The following PACSIN2 variants were observed in gnomAD, a reference collection of about 807,000 sequenced individuals.
PACSIN2 encodes the protein protein kinase C and casein kinase substrate in neurons protein 2.
Under a neutral mutation model 63.8 loss-of-function variants are expected in PACSIN2, and 25 were observed. The observed-to-expected ratio is 0.39, with a 90% CI of 0.29 to 0.55. The LOEUF (loss-of-function observed/expected upper bound fraction) is 0.55. PACSIN2 is among the 20% of genes least tolerant of loss of function. PACSIN2 has a pLI of 0.62. For synonymous variants in PACSIN2, 255 were observed against 256.2 expected (o/e 1.00, Z 0.05); for missense variants, 518 against 646.9 (o/e 0.80, Z 2.16).
At chr22:42,908,002 A>C (rs997109288) in intron 2 of PACSIN2, among the ~76,000 whole-genome samples, 1 of 152,210 alleles carries the variant, frequency 6.6e-6, no homozygotes, top group Non-Finnish European at 1.5e-5. Context: ...AGGGAACGGT[A>C]AATGTTGAGA....
At chr22:42,979,524 A>T (rs1463603419) in intron 1 of PACSIN2, among the ~76,000 whole-genome samples, 1 of 39,274 alleles carries the variant, frequency 2.5e-5, no homozygotes, top group Admixed American at 3.1e-4. Flanking sequence ...ACTCCCTCTC[A>T]AAAAAAAAAA....
In PACSIN2 at chr22:42,893,004, C is replaced by T. The variant is rs527813553; in HGVS notation, c.217+453G>A. Among the ~76,000 whole-genome samples the T allele has an allele frequency of 4.6e-5, 7 of 152,336 alleles. No individual in the cohort carries two copies. The South Asian group carries it at 1.4e-3, about 32-fold the overall frequency. On this transcript the variant is annotated intron_variant, in intron 3 of 10. Coordinates refer to ENST00000263246, the MANE Select transcript of PACSIN2 (RefSeq NM_001184970.3). ...AGAAGGGGGTGAAACCTCTGCCATA[C>T]AACACCTGTAATTATTCCCTTAAAA...
In PACSIN2 at chr22:42,882,252, C is replaced by A; in HGVS notation, c.838G>T (p.Val280Leu). 1 of 1,613,920 alleles carries A rather than the reference C, an allele frequency of 6.2e-7. No individual in the cohort carries two copies. The highest frequency in any genetic ancestry group is 1.3e-5 in the African/African-American group (1 of 75,070). Reference sequence around the variant, plus strand: ...GCTCGGAACCACCTCAGGTCCTCCACTGCATCAGCTGCTCTGATGCTCTGC... The same window carrying A: ...GCTCGGAACCACCTCAGGTCCTCCAATGCATCAGCTGCTCTGATGCTCTGC... ...LEQSIRAADAVEDLRWFRANH... is the reference protein window; with the variant it reads ...LEQSIRAADALEDLRWFRANH... The change falls in exon 7 of 11, where the codon GTG becomes TTG. Residue 280 changes from valine (V) to leucine (L), a missense_variant. By Grantham distance (32) the Val-to-Leu change is conservative. Transcript: ENST00000263246.
chr22:42,972,850 T>C (rs535784451), intron 1 of PACSIN2, among the ~76,000 whole-genome samples: 91 of 152,324 alleles, frequency 6.0e-4, no homozygotes, highest in Admixed American at 4.6e-4. Context: ...TGCATGCCAC[T>C]GCACCCAGCT....
chr22:42,952,534 G>T (rs1423120100), intron 1 of PACSIN2, among the ~76,000 whole-genome samples: 2 of 151,398 alleles, frequency 1.3e-5, no homozygotes, highest in African/African-American at 4.9e-5. Flanking sequence ...AATTTGTTTT[G>T]TATTTTTAGT....
intron 3 of PACSIN2, 88 bp downstream of exon 3, chr22:42,893,369 T>C: frequency 7.5e-7 from 1 of 1,338,704 alleles, no homozygotes; most frequent in South Asian, 1.2e-5. Context: ...GACAGAAAAC[T>C]GGCATAGAGA....
intron 1 of PACSIN2, among the ~76,000 whole-genome samples, chr22:42,912,993 G>A (rs1176463311): frequency 6.6e-6 from 1 of 152,200 alleles, no homozygotes; most frequent in Non-Finnish European, 1.5e-5. Flanking sequence ...ACAAGACTTT[G>A]TTCTAGGTCC....
chr22:42,876,824 C>CAGAG (rs35041824), intron 9 of PACSIN2, 64 bp downstream of exon 9: 7 of 1,565,368 alleles, frequency 4.5e-6, no homozygotes, highest in Non-Finnish European at 6.1e-6. Context: ...GACCCCTGGA[C>CAGAG]AGAGAGAGAG....
chr22:43,015,134 C>T lies in PACSIN2; in HGVS notation c.-191G>A, dbSNP rs1419245909. ...CAGCACTGCCCAGCCCTGCCCAGAC[C>T]CCTGCGGCCGCTTCTGCCGCCAGCC... On this transcript the variant is annotated 5_prime_UTR_variant, in exon 1 of 11. Coordinates refer to ENST00000263246, the MANE Select transcript of PACSIN2 (RefSeq NM_001184970.3). 1 of 152,762 alleles carries T rather than the reference C, an allele frequency of 6.5e-6. No individual in the cohort carries two copies. The highest frequency in any genetic ancestry group is 2.4e-5 in the African/African-American group (1 of 41,406). The allele number at this position is 152,762 out of a possible 1,614,324, so 9.5% of individuals were successfully genotyped here.
chr22:42,896,261 G>A (rs1295747824), intron 2 of PACSIN2, among the ~76,000 whole-genome samples: 1 of 152,126 alleles, frequency 6.6e-6, no homozygotes, highest in Non-Finnish European at 1.5e-5. Context: ...TACACAGTAT[G>A]CAGCCTGGCT....
At chr22:43,006,762 C>A (rs752204251) in intron 1 of PACSIN2, among the ~76,000 whole-genome samples, 1 of 152,096 alleles carries the variant, frequency 6.6e-6, no homozygotes, top group African/African-American at 2.4e-5. Flanking sequence ...GTGCAGTGAG[C>A]CGAAATCGCA....
chr22:42,883,589 T>C (rs1929234906), intron 6 of PACSIN2, among the ~76,000 whole-genome samples: 1 of 152,136 alleles, frequency 6.6e-6, no homozygotes, highest in South Asian at 2.1e-4. Flanking sequence ...TCTCAGAGGG[T>C]ATGTGCTGTC....
chr22:42,964,996 A>G (rs1920941039), intron 1 of PACSIN2, among the ~76,000 whole-genome samples: 1 of 152,216 alleles, frequency 6.6e-6, no homozygotes, highest in African/African-American at 2.4e-5. Context: ...TGGGGAGGGC[A>G]TGCACACACT....
intron 2 of PACSIN2, among the ~76,000 whole-genome samples, chr22:42,910,503 C>T (rs1056804289): frequency 4.6e-5 from 7 of 152,170 alleles, no homozygotes; most frequent in East Asian, 3.8e-4. Flanking sequence ...TACCTGCAAG[C>T]GGGGGCAAAG....
intron 2 of PACSIN2, among the ~76,000 whole-genome samples, chr22:42,898,538 TG>T (rs1199961530): frequency 3.3e-5 from 5 of 152,158 alleles, no homozygotes; most frequent in African/African-American, 1.2e-4. Context: ...CCCAAAGTGC[TG>T]GGATTACAGG....
At chr22:42,881,321 T>C (rs1224215136) in intron 7 of PACSIN2, among the ~76,000 whole-genome samples, 1 of 152,190 alleles carries the variant, frequency 6.6e-6, no homozygotes, top group African/African-American at 2.4e-5. Context: ...TGGGTGCTCT[T>C]GTCATTCCCA....
rs1427939282 is a variant in PACSIN2 at position 42,870,379 on chromosome 22, T to C, written c.*978A>G. Reference sequence around the variant, plus strand: ...AGACGTGTGCCTGAATGCCACAGACTTCAAGCAGTTTACAAACGAAACTCA... The same window carrying C: ...AGACGTGTGCCTGAATGCCACAGACCTCAAGCAGTTTACAAACGAAACTCA... On this transcript the variant is annotated 3_prime_UTR_variant, in exon 11 of 11. Transcript: ENST00000263246. 1 of 152,160 alleles carries C rather than the reference T, an allele frequency of 6.6e-6. No individual in the cohort carries two copies. Among genetic ancestry groups the C allele is most frequent in the African/African-American group, 2.4e-5 (1 of 41,442 alleles). The allele number at this position is 152,160 out of a possible 1,614,324, so 9.4% of individuals were successfully genotyped here. A position where few individuals can be genotyped will look rare whatever the true frequency, so the allele number is the denominator to read the frequency against.
At chr22:42,892,121 C>G (rs904791344) in intron 3 of PACSIN2, among the ~76,000 whole-genome samples, 42 of 152,144 alleles carry the variant, frequency 2.8e-4, no homozygotes, top group Admixed American at 2.6e-3. Flanking sequence ...ACTCACTGTT[C>G]TCAGTCCCCG....
Position 42,879,091 on chromosome 22 carries a change from T to C in PACSIN2, c.985A>G (p.Ile329Val). 3.7e-6 allele frequency: 6 copies of C among 1,614,152 alleles called. No individual in the cohort carries two copies. The highest frequency in any genetic ancestry group is 5.1e-6 in the Non-Finnish European group (6 of 1,180,000). ...AGAGACTGGTCGCCTGTCTGGTTGA[T>C]GCCCGTCAGGGTGACGCCGTCAGTG... Reference protein sequence around the residue: ...KATDGVTLTGINQTGDQSLPS... With the variant: ...KATDGVTLTGVNQTGDQSLPS... Residue 329 changes from isoleucine (I) to valine (V), a missense_variant, in exon 8 of 11, where the codon ATC becomes GTC. Transcript: ENST00000263246.
Sources: gnomAD v4.1 joint callset for allele counts (sites outside exome capture counted in the v4.1 genomes callset) on GRCh38, gnomAD v4.1.1 for gene constraint, MANE v1.5 for transcripts, NCBI Gene and HGNC (gene_info 2026-07-23, HGNC 2026-07-21) for gene names.